TFCP2: variants seen among roughly 807,000 people sequenced by gnomAD.
The protein encoded by TFCP2 is transcription factor CP2.
TFCP2 carries 33 observed loss-of-function variants against 73.4 expected under a neutral mutation model. That is an observed-to-expected ratio of 0.45 (90% CI 0.34 to 0.60). The LOEUF is 0.60. TFCP2 is among the 20% of genes least tolerant of loss of function. The pLI, the probability that TFCP2 is intolerant of heterozygous loss-of-function variation, is 0.01. For missense variants in TFCP2, 352 were observed against 604.0 expected, an observed-to-expected ratio of 0.58 and a Z score of 4.37; for synonymous variants, 193 against 211.6, an observed-to-expected ratio of 0.91 and a Z score of 0.76.
rs1941887476 is a variant in TFCP2, at chr12:51,172,719, C to T, written c.-297G>A. 1 of 302,030 alleles carries T rather than the reference C, an allele frequency of 3.3e-6. No individual in the cohort carries two copies. Among genetic ancestry groups the T allele is most frequent in the Non-Finnish European group, 6.4e-6 (1 of 155,322 alleles). The allele number at this position is 302,030 out of a possible 1,614,324, so 18.7% of individuals were successfully genotyped here. On this transcript the variant is annotated 5_prime_UTR_variant, in exon 1 of 15. Transcript: ENST00000257915. ...CTTCCCAGAGGCAGCTCTGGACTCC[C>T]GCACTCCCACTCCTCTTGAGAGTTC...
intron 1 of TFCP2, among the ~76,000 whole-genome samples, chr12:51,127,913 C>G (rs1940848064): frequency 8.4e-6 from 1 of 119,404 alleles, no homozygotes; most frequent in East Asian, 2.4e-4. Context: ...TCTGAAGAAG[C>G]AATTTTCTTT....
chr12:51,161,643 G>A (rs957695854), intron 1 of TFCP2, among the ~76,000 whole-genome samples: 1 of 147,918 alleles, frequency 6.8e-6, no homozygotes, highest in Non-Finnish European at 1.5e-5. Flanking sequence ...TCATGCCACT[G>A]TACTCCAGCC....
At chr12:51,103,070 G>A (rs1246143640) in intron 10 of TFCP2, among the ~76,000 whole-genome samples, 2 of 152,008 alleles carry the variant, frequency 1.3e-5, no homozygotes, top group African/African-American at 4.8e-5. Context: ...ATCACTTGAG[G>A]TCAGGAGTTC....
chr12:51,120,177 C>CAAAAAAAAAAAAAAAAAAAAAAAAAACA (rs33982936), intron 1 of TFCP2, among the ~76,000 whole-genome samples: 1 of 57,306 alleles, frequency 1.7e-5, no homozygotes, highest in Non-Finnish European at 3.0e-5. Flanking sequence ...GACTCTGTCT[C>CAAAAAAAAAAAAAAAAAAAAAAAAAACA]AAAAAAAAAA....
At chr12:51,131,694 G>A (rs1424300702) in intron 1 of TFCP2, among the ~76,000 whole-genome samples, 1 of 151,948 alleles carries the variant, frequency 6.6e-6, no homozygotes. Context: ...CACTCAAGGT[G>A]GCCTTGAATA....
At chr12:51,157,743 G>GT (rs1402666808) in intron 1 of TFCP2, among the ~76,000 whole-genome samples, 2 of 122,854 alleles carry the variant, frequency 1.6e-5, no homozygotes, top group Non-Finnish European at 3.2e-5. Context: ...CTGGAGTACA[G>GT]TGGCATGATC....
rs2136957676 is a variant in TFCP2, at chr12:51,097,848, T to C, written c.1419+928A>G. Among the ~76,000 whole-genome samples, 2 of 151,538 alleles carry C rather than the reference T, an allele frequency of 1.3e-5. 1 individual carries two copies. On this transcript the variant is annotated intron_variant, in intron 13 of 14. Coordinates refer to ENST00000257915, the MANE Select transcript of TFCP2 (RefSeq NM_005653.5). ...ACTGGCCACATGGTGAAACCCAGCC[T>C]CTACTAAAAATACAAAAATTAGCCA...
rs1200696732 is a variant in TFCP2, at chr12:51,118,504, A to G, written c.274+117T>C. 5 of 1,270,590 alleles carry G rather than the reference A, an allele frequency of 3.9e-6. No individual in the cohort carries two copies. The African/African-American group carries it at 4.5e-5, about 12-fold the overall frequency. The allele number at this position is 1,270,590 out of a possible 1,614,324, so 78.7% of individuals were successfully genotyped here. A position where few individuals can be genotyped will look rare whatever the true frequency, so the allele number is the denominator to read the frequency against. ...CGGGAGGCAGAGCTTGCAGTGAGCC[A>G]AGATGGCGCCACTACACTCCAGCCT... On this transcript the variant is annotated intron_variant, in intron 2 of 14. Coordinates refer to ENST00000257915, the MANE Select transcript of TFCP2 (RefSeq NM_005653.5).
intron 1 of TFCP2, among the ~76,000 whole-genome samples, chr12:51,170,275 G>GA (rs1370196965): frequency 3.3e-5 from 5 of 151,568 alleles, no homozygotes; most frequent in African/African-American, 1.2e-4. Flanking sequence ...AAGTTTCCCT[G>GA]AAAATCACTA....
Position 51,099,724 on chromosome 12 carries a change from C to A in TFCP2, c.1207G>T (p.Glu403Ter). 6.2e-7 allele frequency: 1 copy of A among 1,614,148 alleles called. No homozygotes were observed. Among genetic ancestry groups the A allele is most frequent in the Non-Finnish European group, 8.5e-7 (1 of 1,180,028 alleles). Reference protein sequence around the residue: ...YVCQESLQLREQQQQQQQQQQ... With the variant: ...YVCQESLQLR ...TGTTGCTGCTGCTGTTGTTGCTGCT[C>A]CCTCAACTGCAGTGATTCCTGACAA... Residue 403 changes from glutamate to a stop codon, truncating the protein, a stop_gained, in exon 12 of 15, where the codon GAG becomes TAG. Transcript: ENST00000257915. LOFTEE classifies it high-confidence loss of function.
chr12:51,166,885 G>A (rs1158875396), intron 1 of TFCP2, among the ~76,000 whole-genome samples: 3 of 152,262 alleles, frequency 2.0e-5, no homozygotes, highest in Admixed American at 6.5e-5. Context: ...TGGGCAGGAC[G>A]AACCTAGTTT....
At chr12:51,096,230 TA>T (rs1418512888) in intron 13 of TFCP2, among the ~76,000 whole-genome samples, 190 bp from the exon 14 acceptor site, 6 of 152,166 alleles carry the variant, frequency 3.9e-5, no homozygotes, top group Non-Finnish European at 4.4e-5. Context: ...TTTTAAATAT[TA>T]AAAAACTAAG....
At chr12:51,110,381 T>A (rs1350598817) in intron 5 of TFCP2, among the ~76,000 whole-genome samples, 2 of 152,024 alleles carry the variant, frequency 1.3e-5, no homozygotes, top group Non-Finnish European at 2.9e-5. Context: ...CCAGCCTGGC[T>A]AGCATGGCGA....
At chr12:51,167,431 C>T (rs1240154340) in intron 1 of TFCP2, among the ~76,000 whole-genome samples, 1 of 151,796 alleles carries the variant, frequency 6.6e-6, no homozygotes, top group Non-Finnish European at 1.5e-5. Flanking sequence ...TCGCTTTTGT[C>T]CCCTAGGCTG....
chr12:51,114,164 A>G (rs973925359), intron 4 of TFCP2, among the ~76,000 whole-genome samples: 23 of 152,162 alleles, frequency 1.5e-4, no homozygotes, highest in African/African-American at 4.3e-4. Context: ...CCCACACAAT[A>G]ACAGAAAAGA....
chr12:51,114,992 G>C (rs6580790), intron 4 of TFCP2, among the ~76,000 whole-genome samples: 146,715 of 147,966 alleles, frequency 0.99, 72,754 homozygotes, highest in Middle Eastern at 1. Flanking sequence ...ACCTGGGAGG[G>C]AGAGGTTGTG....
At chr12:51,163,596 T>A (rs939531612) in intron 1 of TFCP2, among the ~76,000 whole-genome samples, 2 of 151,230 alleles carry the variant, frequency 1.3e-5, no homozygotes, top group African/African-American at 2.4e-5. Flanking sequence ...TCTCAAAAAA[T>A]AAATAAATAA....
chr12:51,147,236 G>A (rs1051105497), intron 1 of TFCP2, among the ~76,000 whole-genome samples: 6 of 152,030 alleles, frequency 3.9e-5, no homozygotes, highest in African/African-American at 7.3e-5. Context: ...CCAGCTACTC[G>A]GGAGGCTGAG....
intron 4 of TFCP2, 52 bp from the exon 5 acceptor site, chr12:51,111,035 A>AATC (rs1415163423): frequency 7.9e-7 from 1 of 1,265,738 alleles, no homozygotes; most frequent in Non-Finnish European, 1.2e-6. Context: ...ACTCAGTTTT[A>AATC]AATAAGAAAG....
Sources: gnomAD v4.1 joint callset for allele counts (sites outside exome capture counted in the v4.1 genomes callset) on GRCh38, gnomAD v4.1.1 for gene constraint, MANE v1.5 for transcripts, NCBI Gene and HGNC (gene_info 2026-07-23, HGNC 2026-07-21) for gene names.